The following KATNA1 variants were observed in gnomAD, a reference collection of about 807,000 sequenced individuals.
The protein encoded by KATNA1 is katanin p60 ATPase-containing subunit A1.
KATNA1 carries 42 observed loss-of-function variants against 62.6 expected under a neutral mutation model. The observed-to-expected ratio is 0.67, with a 90% confidence interval of 0.52 to 0.87. KATNA1 has a LOEUF of 0.87. Ranked by LOEUF, KATNA1 falls within the 40% of genes least tolerant of loss-of-function variation. KATNA1 has a pLI of 0.00. For missense variants in KATNA1, 498 were observed against 612.5 expected (o/e 0.81, Z 1.97); for synonymous variants, 186 against 201.9 (o/e 0.92, Z 0.67).
chr6:149,632,721 T>G, intron 3 of KATNA1, 38 bp downstream of exon 3: 2 of 1,570,976 alleles, frequency 1.3e-6, no homozygotes, highest in South Asian at 1.2e-5. Context: ...GCTATAAGCT[T>G]CTTGGGATAA....
At chr6:149,630,347 G>A (rs1177532446) in intron 3 of KATNA1, among the ~76,000 whole-genome samples, 4 of 152,220 alleles carry the variant, frequency 2.6e-5, no homozygotes, top group Admixed American at 1.3e-4. Context: ...TAAAAGTTGC[G>A]GCTGGGTGCG....
intron 7 of KATNA1, among the ~76,000 whole-genome samples, chr6:149,600,770 T>TAAAAA (rs386408910): frequency 9.2e-6 from 1 of 108,364 alleles, no homozygotes; most frequent in Non-Finnish European, 1.8e-5. Flanking sequence ...ACCCCATCTG[T>TAAAAA]AAAAAAAAAA....
At chr6:149,596,470 G>C (rs1167341460) in intron 10 of KATNA1, among the ~76,000 whole-genome samples, 1 of 152,242 alleles carries the variant, frequency 6.6e-6, no homozygotes, top group Non-Finnish European at 1.5e-5. Flanking sequence ...AGGAGGCAAA[G>C]GTTGCAGTGA....
At chr6:149,615,132 C>CAAAAA (rs893824279) in intron 4 of KATNA1, among the ~76,000 whole-genome samples, 10 of 45,584 alleles carry the variant, frequency 2.2e-4, no homozygotes, top group East Asian at 8.8e-4. Flanking sequence ...GACTCTGTCT[C>CAAAAA]AAAAAAAAAA....
chr6:149,634,272 C>CAAAAA, intron 2 of KATNA1, among the ~76,000 whole-genome samples: 1 of 61,658 alleles, frequency 1.6e-5, no homozygotes, highest in Admixed American at 2.0e-4. Flanking sequence ...GACTCCATCT[C>CAAAAA]AAAAAAATAA....
At chr6:149,647,058 G>A (rs1219969578) in intron 1 of KATNA1, among the ~76,000 whole-genome samples, 2 of 152,038 alleles carry the variant, frequency 1.3e-5, no homozygotes, top group African/African-American at 4.8e-5. Context: ...CTATAAAAAT[G>A]TAAACGCTTC....
Position 149,601,784 on chromosome 6 carries a change from T to C in KATNA1, c.730-32A>G, listed in dbSNP as rs765269695. 4 of 1,480,582 alleles carry C rather than the reference T, an allele frequency of 2.7e-6. No individual in the cohort carries two copies. In the East Asian group the frequency reaches 7.3e-5, roughly 27 times the overall value. 91.7% of individuals were successfully genotyped at this position (1,480,582 alleles called of 1,614,324 possible). A position where few individuals can be genotyped will look rare whatever the true frequency, so the allele number is the denominator to read the frequency against. ...CGAATATAATAGCCTCAGCAGAGGA[T>C]TTATCTGCCATTGTTCTAATTCATA... On this transcript the variant is annotated intron_variant, in intron 6 of 10. Transcript: ENST00000367411.
At chr6:149,647,924 C>A (rs1780551249) in intron 1 of KATNA1, among the ~76,000 whole-genome samples, 1 of 152,168 alleles carries the variant, frequency 6.6e-6, no homozygotes, top group Non-Finnish European at 1.5e-5. Flanking sequence ...TTTGTCATCA[C>A]ATTTGTATGA....
At chr6:149,631,556 A>G (rs1779835543) in intron 3 of KATNA1, 1 of 99,700 alleles carries the variant, frequency 1.0e-5, no homozygotes, top group African/African-American at 6.9e-5. Flanking sequence ...TTAAAAAAAC[A>G]AAAAAAACAA....
intron 2 of KATNA1, among the ~76,000 whole-genome samples, chr6:149,636,811 T>G (rs181281265): frequency 9.3e-4 from 142 of 152,088 alleles, no homozygotes; most frequent in African/African-American, 3.3e-3. Context: ...CAGCTAATTT[T>G]TTTGTATTTT....
chr6:149,645,974 T>G (rs1310428540), intron 1 of KATNA1, among the ~76,000 whole-genome samples: 2 of 152,100 alleles, frequency 1.3e-5, no homozygotes, highest in Admixed American at 1.3e-4. Flanking sequence ...AAGATTCTTA[T>G]TCTCTCTCTA....
chr6:149,626,781 C>T (rs571961416), intron 3 of KATNA1, among the ~76,000 whole-genome samples: 7 of 148,832 alleles, frequency 4.7e-5, no homozygotes, highest in Non-Finnish European at 8.9e-5. Context: ...GTCAGGAGTT[C>T]GAGAACAGCC....
At chr6:149,623,074 T>C (rs1779465165) in intron 4 of KATNA1, 29 bp downstream of exon 4, 2 of 1,477,224 alleles carry the variant, frequency 1.4e-6, no homozygotes, top group Non-Finnish European at 1.8e-6. Context: ...AAAAATAACT[T>C]TCATTTATAA....
chr6:149,627,774 G>A (rs902849823), intron 3 of KATNA1, among the ~76,000 whole-genome samples: 1 of 151,840 alleles, frequency 6.6e-6, no homozygotes, highest in African/African-American at 2.4e-5. Context: ...TGACAACTGA[G>A]TAGAGACCTA....
At chr6:149,631,702 G>C (rs1779847768) in intron 3 of KATNA1, among the ~76,000 whole-genome samples, 1 of 152,114 alleles carries the variant, frequency 6.6e-6, no homozygotes, top group Admixed American at 6.6e-5. Flanking sequence ...TTTCTAGAAA[G>C]GCATGACACA....
chr6:149,645,985 A>T (rs1454818905), intron 1 of KATNA1, among the ~76,000 whole-genome samples: 1 of 152,134 alleles, frequency 6.6e-6, no homozygotes, highest in African/African-American at 2.4e-5. Flanking sequence ...TCTCTCTCTA[A>T]ACAACAAATA....
At position 149,621,359 on chromosome 6, in the gene KATNA1, C is replaced by T. The variant is rs191838965; in HGVS notation, c.501+1744G>A. On this transcript the variant is annotated intron_variant, in intron 4 of 10. Coordinates refer to ENST00000367411, the MANE Select transcript of KATNA1 (RefSeq NM_007044.4). Reference sequence around the variant, plus strand: ...CAGGATGGTCTCGATCTCCTGACCTCGTGATCCGCCCAACTCGGCCTCCCA... The same window carrying T: ...CAGGATGGTCTCGATCTCCTGACCTTGTGATCCGCCCAACTCGGCCTCCCA... Among the ~76,000 whole-genome samples, 550 of 151,916 alleles carry T rather than the reference C, an allele frequency of 3.6e-3. 3 individuals are homozygous for T. Among genetic ancestry groups the T allele is most frequent in the African/African-American group, 0.013 (523 of 41,424 alleles).
intron 1 of KATNA1, among the ~76,000 whole-genome samples, chr6:149,642,390 C>T (rs939312594): frequency 6.6e-6 from 1 of 152,190 alleles, no homozygotes; most frequent in Non-Finnish European, 1.5e-5. Context: ...CATACACACA[C>T]ATATATATGT....
At chr6:149,620,260 CT>C (rs1779344322) in intron 4 of KATNA1, among the ~76,000 whole-genome samples, 1 of 152,072 alleles carries the variant, frequency 6.6e-6, no homozygotes, top group Non-Finnish European at 1.5e-5. Flanking sequence ...GGAATGAATT[CT>C]AGTGTTCTAT....
Sources: allele counts gnomAD v4.1 joint callset (sites outside exome capture counted in the v4.1 genomes callset), GRCh38; gene constraint gnomAD v4.1.1; transcripts MANE v1.5; gene names NCBI Gene and HGNC (gene_info 2026-07-23, HGNC 2026-07-21).